The following KCNH8 variants were observed in gnomAD, a reference collection of about 807,000 sequenced individuals.
KCNH8 encodes the protein voltage-gated delayed rectifier potassium channel KCNH8.
KCNH8 carries 70 observed loss-of-function variants against 103.6 expected under a neutral mutation model. That is an observed-to-expected ratio of 0.68 (90% CI 0.56 to 0.82). KCNH8 has a LOEUF of 0.82. Ranked by LOEUF, KCNH8 falls within the 40% of genes least tolerant of loss-of-function variation. The pLI is 0.00. For synonymous variants in KCNH8, 498 were observed against 489.4 expected (o/e 1.02, Z -0.23); for missense variants, 1,217 against 1,329.9 (o/e 0.92, Z 1.32).
chr3:19,402,768 A>G (rs1575021932), intron 7 of KCNH8, among the ~76,000 whole-genome samples: 4 of 151,852 alleles, frequency 2.6e-5, no homozygotes, highest in African/African-American at 9.7e-5. Context: ...CCTTATTACT[A>G]GGTCACCCTT....
intron 4 of KCNH8, among the ~76,000 whole-genome samples, chr3:19,343,678 G>C (rs766346132): frequency 7.9e-5 from 12 of 152,108 alleles, no homozygotes; most frequent in Middle Eastern, 3.4e-3. Context: ...GGACAGAGAG[G>C]GGATCCTTTG....
At chr3:19,182,677 T>C (rs1027937570) in intron 1 of KCNH8, among the ~76,000 whole-genome samples, 2 of 152,152 alleles carry the variant, frequency 1.3e-5, no homozygotes, top group Non-Finnish European at 2.9e-5. Flanking sequence ...GCCCCAGTAG[T>C]ACTAGCTGAG....
chr3:19,291,251 T>C (rs2064920788), intron 3 of KCNH8, among the ~76,000 whole-genome samples: 1 of 152,242 alleles, frequency 6.6e-6, no homozygotes, highest in South Asian at 2.1e-4. Flanking sequence ...CCTTCAGTTC[T>C]ACTCTGATCT....
chr3:19,360,453 C>T (rs1312988304), intron 5 of KCNH8, among the ~76,000 whole-genome samples: 1 of 151,976 alleles, frequency 6.6e-6, no homozygotes, highest in East Asian at 1.9e-4. Flanking sequence ...CACAATTACT[C>T]ATATTCTTTT....
intron 3 of KCNH8, among the ~76,000 whole-genome samples, chr3:19,298,563 G>A (rs2065023802): frequency 6.6e-6 from 1 of 152,190 alleles, no homozygotes; most frequent in Admixed American, 6.5e-5. Flanking sequence ...AAGACATACT[G>A]ATACAGAATT....
At chr3:19,354,834 G>T (rs1424315753) in intron 5 of KCNH8, among the ~76,000 whole-genome samples, 1 of 152,142 alleles carries the variant, frequency 6.6e-6, no homozygotes, top group Non-Finnish European at 1.5e-5. Flanking sequence ...AGGACTTCAT[G>T]TCTAAAACAC....
intron 1 of KCNH8, among the ~76,000 whole-genome samples, chr3:19,156,436 T>C (rs1483475205): frequency 6.6e-6 from 1 of 152,204 alleles, no homozygotes; most frequent in Non-Finnish European, 1.5e-5. Flanking sequence ...GCAAATGAGA[T>C]ATTTCTTTAA....
chr3:19,407,257 GT>G (rs1559313123), intron 7 of KCNH8, among the ~76,000 whole-genome samples: 1 of 152,094 alleles, frequency 6.6e-6, no homozygotes, highest in Non-Finnish European at 1.5e-5. Context: ...TCTAAGTGTA[GT>G]TTTTTTCTTA....
In KCNH8 at chr3:19,168,052, C is replaced by T. The variant is rs149414824; in HGVS notation, c.76+19257C>T. Among the ~76,000 whole-genome samples, 1,113 of 151,564 alleles carry T rather than the reference C, an allele frequency of 7.3e-3. 24 individuals carry two copies. Among genetic ancestry groups the T allele is most frequent in the Middle Eastern group, 0.014 (4 of 294 alleles). On this transcript the variant is annotated intron_variant, in intron 1 of 15. Transcript: ENST00000328405. ...TAAGATGGAGTTTCACTATTGTCAC[C>T]CAGGCTGGAGTGCAGTGGCGCGATC... is the stretch of plus-strand genomic sequence containing the variant.
intron 1 of KCNH8, among the ~76,000 whole-genome samples, chr3:19,198,997 A>C (rs1300223642): frequency 1.3e-5 from 2 of 152,080 alleles, no homozygotes; most frequent in African/African-American, 4.8e-5. Context: ...AGGTGAACAG[A>C]TGATAAAGAC....
intron 2 of KCNH8, among the ~76,000 whole-genome samples, chr3:19,270,709 G>A (rs554139555): frequency 3.3e-5 from 5 of 152,124 alleles, no homozygotes; most frequent in African/African-American, 7.2e-5. Context: ...ACAAGTCTTC[G>A]TTAAGAGTTG....
At chr3:19,419,402 G>A (rs1047795423) in intron 7 of KCNH8, among the ~76,000 whole-genome samples, 17 of 151,180 alleles carry the variant, frequency 1.1e-4, no homozygotes, top group African/African-American at 3.9e-4. Flanking sequence ...GGGTTTCACC[G>A]TGTTAGCCAG....
At chr3:19,173,292 A>G (rs2063365786) in intron 1 of KCNH8, among the ~76,000 whole-genome samples, 1 of 152,176 alleles carries the variant, frequency 6.6e-6, no homozygotes, top group African/African-American at 2.4e-5. Flanking sequence ...TGGACCGGCA[A>G]TGTGAGTGCC....
intron 11 of KCNH8, among the ~76,000 whole-genome samples, chr3:19,509,362 T>C (rs994307232): frequency 3.3e-5 from 5 of 152,170 alleles, no homozygotes; most frequent in African/African-American, 7.2e-5. Context: ...GGCAGATCAT[T>C]TTCAAGTACA....
At chr3:19,477,713 A>T (rs1321388245) in intron 11 of KCNH8, among the ~76,000 whole-genome samples, 1 of 152,212 alleles carries the variant, frequency 6.6e-6, no homozygotes, top group Non-Finnish European at 1.5e-5. Flanking sequence ...AAAATTAAAA[A>T]GGAAGGTTAA....
chr3:19,326,355 A>AAATATATATATAT (rs1491096492), intron 3 of KCNH8, among the ~76,000 whole-genome samples: 2 of 99,148 alleles, frequency 2.0e-5, no homozygotes, highest in African/African-American at 1.1e-4. Context: ...AATGAAAGTT[A>AAATATATATATAT]AATATATATA....
At chr3:19,337,663 C>T (rs995198991) in intron 3 of KCNH8, among the ~76,000 whole-genome samples, 3 of 151,972 alleles carry the variant, frequency 2.0e-5, no homozygotes, top group Admixed American at 1.3e-4. Context: ...TATCTCTGTA[C>T]GTATTTCAAA....
intron 1 of KCNH8, among the ~76,000 whole-genome samples, chr3:19,231,964 C>G (rs1189670574): frequency 6.6e-6 from 1 of 152,164 alleles, no homozygotes; most frequent in Admixed American, 6.5e-5. Context: ...GTTTTGAGAC[C>G]TGACACCAAA....
chr3:19,228,848 T>A (rs2063962205), intron 1 of KCNH8, among the ~76,000 whole-genome samples: 2 of 152,182 alleles, frequency 1.3e-5, no homozygotes, highest in Non-Finnish European at 2.9e-5. Context: ...ATGAAAAAAA[T>A]TGTATTTAAG....
Sources: allele counts gnomAD v4.1 joint callset (sites outside exome capture counted in the v4.1 genomes callset), GRCh38; gene constraint gnomAD v4.1.1; transcripts MANE v1.5; gene names NCBI Gene and HGNC (gene_info 2026-07-23, HGNC 2026-07-21).